Variants in GPC5 observed in about 807,000 individuals in gnomAD.
GPC5 encodes glypican 5, also known as glypican-5.
A neutral mutation model predicts 53.9 loss-of-function variants in GPC5; 47 were observed. That is an observed-to-expected ratio of 0.87 (90% CI 0.69 to 1.11). The LOEUF is 1.11. Among genes scored for constraint, GPC5 ranks in the 50% most tolerant of loss-of-function variants. The probability of loss-of-function intolerance (pLI) is 0.00; values close to 1 mark genes in which losing one functional copy is unlikely to be tolerated. For synonymous variants in GPC5, 286 were observed against 263.3 expected (o/e 1.09, Z -0.84); for missense variants, 748 against 713.1 (o/e 1.05, Z -0.56).
intron 7 of GPC5, among the ~76,000 whole-genome samples, chr13:92,485,777 A>G (rs1879531044): frequency 6.6e-6 from 1 of 152,130 alleles, no homozygotes; most frequent in South Asian, 2.1e-4. Context: ...GGAGCTTGAG[A>G]CCAGCCTGGC....
In GPC5 at chr13:92,419,951, T is replaced by A. The variant is rs184959118; in HGVS notation, c.1561+274962T>A. Among the ~76,000 whole-genome samples, 217 of 152,284 alleles carry A rather than the reference T, an allele frequency of 1.4e-3. 1 individual carries two copies. Among genetic ancestry groups the A allele is most frequent in the Non-Finnish European group, 1.7e-3 (114 of 68,032 alleles). ...ATAGCCTGAAGCCCTACCTTTGACCTGCTGTCAAAACTCCAGCCATTGTAT... is the reference window on the plus strand; with the variant it reads ...ATAGCCTGAAGCCCTACCTTTGACCAGCTGTCAAAACTCCAGCCATTGTAT... On this transcript the variant is annotated intron_variant, in intron 7 of 7. Coordinates refer to ENST00000377067, the MANE Select transcript of GPC5 (RefSeq NM_004466.6).
At chr13:92,310,571 G>A (rs1272978583) in intron 7 of GPC5, among the ~76,000 whole-genome samples, 1 of 152,020 alleles carries the variant, frequency 6.6e-6, no homozygotes, top group East Asian at 1.9e-4. Flanking sequence ...AAAACTATTT[G>A]TACACACTCC....
intron 5 of GPC5, among the ~76,000 whole-genome samples, chr13:91,880,351 C>T (rs911868572): frequency 9.9e-5 from 15 of 151,280 alleles, no homozygotes; most frequent in East Asian, 9.7e-4. Context: ...TATATTTTTC[C>T]GTATTATGGG....
At chr13:91,548,796 C>T (rs2030446770) in intron 2 of GPC5, among the ~76,000 whole-genome samples, 1 of 152,170 alleles carries the variant, frequency 6.6e-6, no homozygotes, top group African/African-American at 2.4e-5. Context: ...AATAGACCCA[C>T]ATAAACATTG....
intron 7 of GPC5, among the ~76,000 whole-genome samples, chr13:92,269,396 C>CT (rs938544716): frequency 4.6e-5 from 7 of 151,036 alleles, no homozygotes; most frequent in South Asian, 4.2e-4. Context: ...ACATCTATTC[C>CT]TTTTTTTTGT....
intron 7 of GPC5, among the ~76,000 whole-genome samples, chr13:92,491,258 A>G (rs1018339413): frequency 3.9e-5 from 6 of 152,102 alleles, no homozygotes; most frequent in African/African-American, 1.4e-4. Flanking sequence ...CATAATTACA[A>G]GCTATACAGA....
At chr13:91,728,787 A>C in intron 4 of GPC5, 122 bp downstream of exon 4, 1 of 1,006,560 alleles carries the variant, frequency 9.9e-7, no homozygotes, top group Non-Finnish European at 1.4e-6. Context: ...AAAAGGATCA[A>C]TATTCATTAA....
intron 7 of GPC5, among the ~76,000 whole-genome samples, chr13:92,858,924 A>G (rs1228424065): frequency 6.6e-6 from 1 of 152,148 alleles, no homozygotes; most frequent in Admixed American, 6.6e-5. Context: ...CTATATAGAT[A>G]ATTACTTTCT....
At chr13:92,393,073 C>A (rs577000133) in intron 7 of GPC5, among the ~76,000 whole-genome samples, 1 of 152,260 alleles carries the variant, frequency 6.6e-6, no homozygotes, top group Non-Finnish European at 1.5e-5. Context: ...GAATATAAAT[C>A]ATTCCATCAT....
chr13:92,453,375 C>T (rs114982732), intron 7 of GPC5, among the ~76,000 whole-genome samples: 5 of 151,868 alleles, frequency 3.3e-5, no homozygotes, highest in East Asian at 1.9e-4. Flanking sequence ...GGGTACTTCT[C>T]GGTTGTGGTA....
intron 5 of GPC5, among the ~76,000 whole-genome samples, chr13:91,899,246 G>T (rs1288132672): frequency 6.6e-6 from 1 of 151,990 alleles, no homozygotes; most frequent in African/African-American, 2.4e-5. Flanking sequence ...ATTGTCCATT[G>T]CATCATTTTT....
In GPC5 at chr13:91,533,345, A is replaced by C. The variant is rs1886438485; in HGVS notation, c.325+84423A>C. 2.0e-5 allele frequency among the ~76,000 whole-genome samples: 3 copies of C among 152,318 alleles called. No individual in the cohort carries two copies. In the South Asian group the frequency reaches 6.2e-4, roughly 32 times the overall value. On this transcript the variant is annotated intron_variant, in intron 2 of 7. Coordinates refer to ENST00000377067, the MANE Select transcript of GPC5 (RefSeq NM_004466.6). ...ATTGGGCTTGAGAAAATTAGTTCAA[A>C]GACTGGAATTGTCATTAACAACTCT...
intron 7 of GPC5, among the ~76,000 whole-genome samples, chr13:92,264,589 C>T (rs145388539): frequency 1.8e-3 from 271 of 151,812 alleles, no homozygotes; most frequent in African/African-American, 6.1e-3. Flanking sequence ...CACCAAGAAC[C>T]TGGATGACTT....
At chr13:92,732,370 C>G (rs976080483) in intron 7 of GPC5, among the ~76,000 whole-genome samples, 1 of 151,400 alleles carries the variant, frequency 6.6e-6, no homozygotes, top group Admixed American at 6.6e-5. Context: ...CTTTGAACAC[C>G]AAATATTTTA....
chr13:92,581,146 A>G (rs904938426), intron 7 of GPC5, among the ~76,000 whole-genome samples: 8 of 152,128 alleles, frequency 5.3e-5, no homozygotes, highest in African/African-American at 1.9e-4. Flanking sequence ...TGTTGTTAAC[A>G]TGGCATATAA....
chr13:92,278,774 G>T (rs559637415), intron 7 of GPC5, among the ~76,000 whole-genome samples: 1 of 152,034 alleles, frequency 6.6e-6, no homozygotes, highest in African/African-American at 2.4e-5. Context: ...ACCACTATTT[G>T]TTAGAGATCA....
At chr13:92,377,813 A>C (rs1303387288) in intron 7 of GPC5, among the ~76,000 whole-genome samples, 1 of 152,204 alleles carries the variant, frequency 6.6e-6, no homozygotes, top group African/African-American at 2.4e-5. Flanking sequence ...TGAACAATTC[A>C]TTTTTCTATG....
intron 7 of GPC5, among the ~76,000 whole-genome samples, chr13:92,418,056 G>A (rs1034028167): frequency 1.3e-5 from 2 of 152,168 alleles, no homozygotes; most frequent in East Asian, 3.8e-4. Flanking sequence ...GACAGAAAAG[G>A]TCAAATATAT....
chr13:92,319,641 T>C (rs1319368590), intron 7 of GPC5, among the ~76,000 whole-genome samples: 2 of 152,138 alleles, frequency 1.3e-5, no homozygotes, highest in Non-Finnish European at 2.9e-5. Flanking sequence ...ACTCTAGTGA[T>C]AATTGATTTT....
Sources: gnomAD v4.1 joint callset for allele counts (sites outside exome capture counted in the v4.1 genomes callset) on GRCh38, gnomAD v4.1.1 for gene constraint, MANE v1.5 for transcripts, NCBI Gene and HGNC (gene_info 2026-07-23, HGNC 2026-07-21) for gene names.